Variants in PLCD4 observed in about 807,000 individuals in gnomAD.
PLCD4 encodes the protein 1-phosphatidylinositol 4,5-bisphosphate phosphodiesterase delta-4.
In PLCD4, 63 loss-of-function variants were observed where a neutral mutation model predicts 90.2. The observed-to-expected ratio is 0.70, with a 90% confidence interval of 0.57 to 0.86. PLCD4 has a LOEUF of 0.86. PLCD4 is among the 40% of genes least tolerant of loss of function. The pLI, the probability that PLCD4 is intolerant of heterozygous loss-of-function variation, is 0.00. For synonymous variants in PLCD4, 294 were observed against 356.5 expected, an observed-to-expected ratio of 0.82 and a Z score of 1.97; for missense variants, 830 against 956.3, an observed-to-expected ratio of 0.87 and a Z score of 1.74.
chr2:218,609,312 C>T (rs1373375844), intron 1 of PLCD4: 7 of 152,130 alleles, frequency 4.6e-5, no homozygotes, highest in African/African-American at 1.4e-4. Context: ...CACCCTGAAT[C>T]CCACTGTAAT....
intron 3 of PLCD4, among the ~76,000 whole-genome samples, 181 bp from the exon 4 acceptor site, chr2:218,618,376 TGAAAACATCAGTGATTCATGTG>T (rs1374597425): frequency 2.0e-5 from 3 of 152,206 alleles, no homozygotes; most frequent in Non-Finnish European, 4.4e-5. Flanking sequence ...ATGCTGCCTT[TGAAAACATCAGTGATTCATGTG>T]GACTCCTGAA....
At chr2:218,628,440 A>G (rs1447641918) in intron 7 of PLCD4, 8 of 523,094 alleles carry the variant, frequency 1.5e-5, no homozygotes, top group Non-Finnish European at 2.7e-5. Context: ...CTCTTTCACA[A>G]GCTATGAAAC....
At chr2:218,629,984 C>A (rs1696289280) in intron 8 of PLCD4, among the ~76,000 whole-genome samples, 2 of 152,238 alleles carry the variant, frequency 1.3e-5, no homozygotes, top group South Asian at 4.2e-4. Context: ...TTGAGACTAA[C>A]CTGACCAACA....
chr2:218,626,983 G>A (rs949159584), intron 6 of PLCD4, among the ~76,000 whole-genome samples: 1 of 152,128 alleles, frequency 6.6e-6, no homozygotes, highest in African/African-American at 2.4e-5. Flanking sequence ...GTCGGGCACG[G>A]TGGCTCACGC....
In PLCD4 at chr2:218,629,645, A is replaced by G; in HGVS notation, c.1101A>G (p.Val367=). Residue 367 remains valine, a synonymous_variant, in exon 8 of 16, where the codon GTA becomes GTG. Transcript: ENST00000450993. The part of the protein sequence containing the change: ...RILFKDVVAT[V]AQYAFQTSDY... ...TGTTCAAAGATGTCGTGGCCACAGT[A>G]GCACAGTATGCCTTCCAGGTAGTAG... The G allele has an allele frequency of 6.2e-7, 1 of 1,613,648 alleles. No individual in the cohort carries two copies. Among genetic ancestry groups the G allele is most frequent in the Non-Finnish European group, 8.5e-7 (1 of 1,179,784 alleles).
At position 218,634,554 on chromosome 2, in the gene PLCD4, TC is replaced by T; in HGVS notation, c.1822del (p.Leu608CysfsTer23). ...GGCGYVLKPD[F>X]LRDIQSSFHP... is the part of the protein sequence containing the mutation. ...TGTGGCTATGTGCTGAAGCCAGACT[TC>T]CTGCGTGATATCCAGAGTTCTTTCC... is the stretch of plus-strand genomic sequence containing the variant. On this transcript the variant is annotated frameshift_variant, in exon 13 of 16. Coordinates refer to ENST00000450993, the MANE Select transcript of PLCD4 (RefSeq NM_032726.4). LOFTEE classifies it high-confidence loss of function. The surrounding 1 kb of genome is among the most constrained non-coding windows in gnomAD (Gnocchi z 4.0). 1.9e-6 allele frequency: 3 copies of T among 1,614,048 alleles called. No homozygotes were observed. Among genetic ancestry groups the T allele is most frequent in the Non-Finnish European group, 2.5e-6 (3 of 1,179,904 alleles).
chr2:218,618,721 T>C lies in PLCD4; in HGVS notation c.324T>C (p.Ser108=), dbSNP rs752683631. 2.2e-5 allele frequency: 35 copies of C among 1,612,952 alleles called. No individual in the cohort carries two copies. Among genetic ancestry groups the C allele is most frequent in the Middle Eastern group, 1.6e-4 (1 of 6,082 alleles). ...RRSNLDLMAN[S]VEEAQIWMRG... ...CCAACCTGGACCTGATGGCCAACAG[T>C]GTTGAGGAGGCCCAGATATGGATGC... The change falls in exon 4 of 16, where the codon AGT becomes AGC. Residue 108 remains serine, a synonymous_variant. Coordinates refer to ENST00000450993, the MANE Select transcript of PLCD4 (RefSeq NM_032726.4).
At chr2:218,621,367 G>C (rs1695871583) in intron 4 of PLCD4, 103 bp from the exon 5 acceptor site, 6 of 1,358,850 alleles carry the variant, frequency 4.4e-6, no homozygotes, top group African/African-American at 1.4e-5. Context: ...CGGGGAGAGA[G>C]ACTGGCAGGA....
rs71266346 is a variant in PLCD4, at chr2:218,616,927, TAGAGAG to T, written c.181+919_181+924del. On this transcript the variant is annotated intron_variant, in intron 3 of 15. Transcript: ENST00000450993. ...ATATATATATATATATATATATATA[TAGAGAG>T]AGAGAGAGAGAGAGAGAGAGAGAGA... 4.1e-3 allele frequency among the ~76,000 whole-genome samples: 56 copies of T among 13,724 alleles called. 1 individual carries two copies. Among genetic ancestry groups the T allele is most frequent in the Middle Eastern group, 0.045 (1 of 22 alleles). The allele number at this position is 13,724 out of a possible 152,430, so 9.0% of individuals were successfully genotyped here.
At chr2:218,617,067 C>T (rs1228635456) in intron 3 of PLCD4, among the ~76,000 whole-genome samples, 2 of 141,956 alleles carry the variant, frequency 1.4e-5, no homozygotes, top group African/African-American at 5.0e-5. Flanking sequence ...CGGGTTCACG[C>T]CATTCTCTTG....
At chr2:218,613,898 G>T (rs1290605156) in intron 1 of PLCD4, among the ~76,000 whole-genome samples, 1 of 152,120 alleles carries the variant, frequency 6.6e-6, no homozygotes, top group Non-Finnish European at 1.5e-5. Flanking sequence ...GGCATAGCTA[G>T]AATCAGTGTG....
At chr2:218,635,771 TGA>T (rs760240942) in intron 13 of PLCD4, 23 bp from the exon 14 acceptor site, 1 of 1,606,098 alleles carries the variant, frequency 6.2e-7, no homozygotes, top group South Asian at 1.1e-5. Context: ...CAGGAACTTG[TGA>T]GATTCCAGAG....
intron 1 of PLCD4, among the ~76,000 whole-genome samples, chr2:218,614,408 C>T (rs911195775): frequency 2.0e-5 from 3 of 152,138 alleles, no homozygotes; most frequent in Admixed American, 6.6e-5. Flanking sequence ...ACCTCGGCCT[C>T]CCAAAGTGCT....
At chr2:218,635,749 G>T in intron 13 of PLCD4, 47 bp from the exon 14 acceptor site, 1 of 1,590,090 alleles carries the variant, frequency 6.3e-7, no homozygotes, top group Non-Finnish European at 8.6e-7. Context: ...GGTCGGGTGG[G>T]GCTGGGCTGA....
In PLCD4 at chr2:218,632,288, C is replaced by A. The variant is rs189779659; in HGVS notation, c.1425C>A (p.Asn475Lys). The change falls in exon 10 of 16, where the codon AAC (asparagine) becomes AAA (lysine). Residue 475 changes from asparagine (N) to lysine (K), a missense_variant. Physicochemically the swap from Asn to Lys is moderately conservative, Grantham distance 94. Transcript: ENST00000450993. ...FETEPEPQEQ[N>K]LQNKDKKKKS... The stretch of plus-strand genomic sequence containing the variant: ...CTGAGCCTGAGCCCCAGGAGCAGAA[C>A]CTTCAGAATAAGGACAAAAAGAAGG... 4.7e-4 allele frequency: 757 copies of A among 1,609,994 alleles called. 4 individuals are homozygous for A. The African/African-American group carries it at 8.5e-3, about 18-fold the overall frequency.
At chr2:218,609,634 C>A in intron 1 of PLCD4, 1 of 152,354 alleles carries the variant, frequency 6.6e-6, no homozygotes. Context: ...CTGTGGGCAT[C>A]CTTCCCATTC....
intron 9 of PLCD4, 27 bp from the exon 10 acceptor site, chr2:218,632,109 A>G: frequency 6.3e-7 from 1 of 1,578,458 alleles, no homozygotes; most frequent in Non-Finnish European, 8.6e-7. Flanking sequence ...AGACAGGTAG[A>G]CAGGCCCCTT....
intron 14 of PLCD4, 71 bp downstream of exon 14, chr2:218,636,002 T>C: frequency 6.2e-7 from 1 of 1,604,870 alleles, no homozygotes; most frequent in Non-Finnish European, 8.5e-7. Context: ...CTGTCTTCCA[T>C]TAAGTATAGC....
chr2:218,633,867 G>T (rs572744200), intron 11 of PLCD4, 106 bp downstream of exon 11: 191 of 1,395,900 alleles, frequency 1.4e-4, no homozygotes, highest in South Asian at 7.0e-4. Context: ...GCTAAGGAGA[G>T]ATGAAGGAGT....
Sources: allele counts gnomAD v4.1 joint callset (sites outside exome capture counted in the v4.1 genomes callset), GRCh38; gene constraint gnomAD v4.1.1; non-coding constraint Gnocchi (gnomAD v3.1); transcripts MANE v1.5; gene names NCBI Gene and HGNC (gene_info 2026-07-23, HGNC 2026-07-21).